SLC30A9: variants seen among roughly 807,000 people sequenced by gnomAD.
SLC30A9 encodes the protein proton-coupled zinc antiporter SLC30A9, mitochondrial.
SLC30A9 carries 58 observed loss-of-function variants against 87.5 expected under a neutral mutation model. That is an observed-to-expected ratio of 0.66 (90% CI 0.54 to 0.82). SLC30A9 has a LOEUF of 0.82. Ranked by LOEUF, SLC30A9 falls within the 40% of genes least tolerant of loss-of-function variation. The probability of loss-of-function intolerance (pLI) is 0.00; values close to 1 mark genes in which losing one functional copy is unlikely to be tolerated. For missense variants in SLC30A9, 557 were observed against 679.1 expected (o/e 0.82, Z 2.00); for synonymous variants, 234 against 233.0 (o/e 1.00, Z -0.04).
intron 8 of SLC30A9, among the ~76,000 whole-genome samples, chr4:42,041,929 C>T (rs1394041415): frequency 6.6e-6 from 1 of 152,294 alleles, no homozygotes; most frequent in South Asian, 2.1e-4. Context: ...CAGGGTGGGG[C>T]ATTGCCTCAC....
At chr4:42,000,717 A>G (rs1388642082) in intron 1 of SLC30A9, among the ~76,000 whole-genome samples, 2 of 152,072 alleles carry the variant, frequency 1.3e-5, no homozygotes, top group East Asian at 1.9e-4. Flanking sequence ...ATATCTGCAC[A>G]CACAATCCAT....
intron 8 of SLC30A9, among the ~76,000 whole-genome samples, chr4:42,048,147 A>C (rs866059000): frequency 1.6e-4 from 25 of 152,336 alleles, no homozygotes; most frequent in African/African-American, 5.5e-4. Context: ...TGATGGGTGC[A>C]GCAAACCACC....
intron 11 of SLC30A9, among the ~76,000 whole-genome samples, chr4:42,064,320 G>A (rs756520266): frequency 6.6e-6 from 1 of 152,102 alleles, no homozygotes; most frequent in Non-Finnish European, 1.5e-5. Context: ...ACCTCCTTTT[G>A]GAATGTGGGG....
At chr4:42,003,592 C>A (rs1332989941) in intron 2 of SLC30A9, among the ~76,000 whole-genome samples, 1 of 152,108 alleles carries the variant, frequency 6.6e-6, no homozygotes, top group Admixed American at 6.5e-5. Flanking sequence ...CTTTTGGTTA[C>A]TATTTTCCCA....
chr4:42,021,753 TG>T (rs1451748384), intron 4 of SLC30A9, among the ~76,000 whole-genome samples: 1 of 151,988 alleles, frequency 6.6e-6, no homozygotes, highest in African/African-American at 2.4e-5. Flanking sequence ...TCGTTTTTTT[TG>T]TTTGTTTTTT....
chr4:42,069,745 A>G (rs1015632413), intron 14 of SLC30A9, among the ~76,000 whole-genome samples: 2 of 152,264 alleles, frequency 1.3e-5, no homozygotes, highest in Admixed American at 6.5e-5. Flanking sequence ...ACATTCATAG[A>G]TGATAAATCA....
chr4:41,993,857 T>A (rs899765091), intron 1 of SLC30A9, among the ~76,000 whole-genome samples: 7 of 152,244 alleles, frequency 4.6e-5, no homozygotes, highest in South Asian at 2.1e-4. Context: ...ACCATTTTTT[T>A]AAAAAATTAT....
chr4:42,065,650 A>G (rs1053894485), intron 12 of SLC30A9, among the ~76,000 whole-genome samples: 2 of 152,210 alleles, frequency 1.3e-5, no homozygotes, highest in African/African-American at 4.8e-5. Context: ...TATCAGATAG[A>G]TGGAAGACAG....
intron 11 of SLC30A9, among the ~76,000 whole-genome samples, chr4:42,064,551 C>T (rs1028878651): frequency 1.3e-5 from 2 of 152,158 alleles, no homozygotes; most frequent in Non-Finnish European, 2.9e-5. Context: ...TGTGTTTCCT[C>T]CATTCTGAAA....
intron 16 of SLC30A9, among the ~76,000 whole-genome samples, chr4:42,077,330 A>C (rs1718595801): frequency 6.6e-6 from 1 of 152,128 alleles, no homozygotes; most frequent in Non-Finnish European, 1.5e-5. Flanking sequence ...TTTCCTCTAC[A>C]TTGCTCCCTG....
At chr4:42,075,056 TATA>T (rs1421676122) in intron 15 of SLC30A9, among the ~76,000 whole-genome samples, 13 of 21,662 alleles carry the variant, frequency 6.0e-4, no homozygotes, top group Non-Finnish European at 6.1e-4. Context: ...TATATATATA[TATA>T]TTTTTTTTTT....
At chr4:42,066,503 G>GGAGGCATGAAGTTTCATAT (rs772188245) in intron 12 of SLC30A9, 47 bp from the exon 13 acceptor site, 1 of 1,235,702 alleles carries the variant, frequency 8.1e-7, no homozygotes, top group Admixed American at 1.9e-5. Flanking sequence ...TTTAAAGTTT[G>GGAGGCATGAAGTTTCATAT]GAGGCATGAA....
intron 8 of SLC30A9, among the ~76,000 whole-genome samples, chr4:42,048,245 A>G (rs913791617): frequency 4.6e-5 from 7 of 152,118 alleles, no homozygotes; most frequent in East Asian, 1.9e-4. Flanking sequence ...ATAAATAAAC[A>G]TTGTTTAAAA....
intron 14 of SLC30A9, among the ~76,000 whole-genome samples, chr4:42,068,043 A>G (rs1488437041): frequency 6.6e-6 from 1 of 152,156 alleles, no homozygotes. Flanking sequence ...TTATTCTTTG[A>G]TTTAACTCAC....
At chr4:41,998,472 G>GT (rs55926236) in intron 1 of SLC30A9, among the ~76,000 whole-genome samples, 1,504 of 147,644 alleles carry the variant, frequency 0.01, 15 homozygotes, top group Non-Finnish European at 0.015. Context: ...CTTTTTTTTT[G>GT]TTTGTTTTTG....
rs143375647 is a variant in SLC30A9, at chr4:42,020,422, C to T, written c.341C>T (p.Ala114Val). The change falls in exon 4 of 18, where the codon GCA becomes GTA. Residue 114 changes from alanine to valine, a missense_variant. Ala to Val is a moderately conservative substitution (Grantham distance 64). Coordinates refer to ENST00000264451, the MANE Select transcript of SLC30A9 (RefSeq NM_006345.4). ...KQEPLQVRVK[A>V]VLKKREYGSK... ...TTTCCTGTTTTTTGTTTAGTTAAAG[C>T]AGTCCTTAAGAAAAGGGAGTATGGC... 50 of 1,485,424 alleles carry T rather than the reference C, an allele frequency of 3.4e-5. No individual in the cohort carries two copies. The African/African-American group carries it at 5.6e-4, about 16-fold the overall frequency. The allele number at this position is 1,485,424 out of a possible 1,614,324, so 92.0% of individuals were successfully genotyped here.
rs190576605 is a variant in SLC30A9 at position 42,040,407 on chromosome 4, G to A, written c.737+1354G>A. Among the ~76,000 whole-genome samples, 10 of 152,228 alleles carry A rather than the reference G, an allele frequency of 6.6e-5. No homozygotes were observed. In the East Asian group the frequency reaches 1.9e-3, roughly 29 times the overall value. ...TCTGAAGCTCAGGAGAGAAATCTGA[G>A]TTAGAGGTTTGATAGTTTTTAGTAT... On this transcript the variant is annotated intron_variant, in intron 8 of 17. Transcript: ENST00000264451.
chr4:42,013,171 A>G (rs894070882), intron 2 of SLC30A9, among the ~76,000 whole-genome samples: 1 of 151,936 alleles, frequency 6.6e-6, no homozygotes. Flanking sequence ...GGTCCCAGCT[A>G]CTAGAGAAGC....
At chr4:42,000,003 C>T (rs1188716061) in intron 1 of SLC30A9, among the ~76,000 whole-genome samples, 2 of 151,952 alleles carry the variant, frequency 1.3e-5, no homozygotes, top group Non-Finnish European at 2.9e-5. Flanking sequence ...ATGAGTTGAT[C>T]ATTGTTGAAA....
Sources: gnomAD v4.1 joint callset for allele counts (sites outside exome capture counted in the v4.1 genomes callset) on GRCh38, gnomAD v4.1.1 for gene constraint, MANE v1.5 for transcripts, NCBI Gene and HGNC (gene_info 2026-07-23, HGNC 2026-07-21) for gene names.